Variants in IKZF1 observed in about 807,000 individuals in gnomAD.
IKZF1 encodes DNA-binding protein Ikaros.
A neutral mutation model predicts 51.7 loss-of-function variants in IKZF1; 10 were observed. The observed-to-expected ratio is 0.19, with a 90% CI of 0.12 to 0.33. The LOEUF is 0.33. IKZF1 is among the 10% of genes least tolerant of loss of function. The pLI is 1.00. For missense variants in IKZF1, 484 were observed against 707.5 expected (o/e 0.68, Z 3.58); for synonymous variants, 280 against 282.3 (o/e 0.99, Z 0.08).
Position 50,376,275 on chromosome 7 carries a change from G to T in IKZF1, c.161-258G>T, listed in dbSNP as rs1810258668. On this transcript the variant is annotated intron_variant, in intron 3 of 7. Coordinates refer to ENST00000331340, the MANE Select transcript of IKZF1 (RefSeq NM_006060.6). This position sits in a 1 kb window ranked among gnomAD's most constrained non-coding sequence, Gnocchi z 4.5. ...TAAATACCTTTCTAGTGCATTTTCA[G>T]ATAATCGCCACTGGGCCTATGGATG... Among the ~76,000 whole-genome samples the T allele has an allele frequency of 6.6e-6, 1 of 152,190 alleles. No homozygotes were observed. Among genetic ancestry groups the T allele is most frequent in the Admixed American group, 6.5e-5 (1 of 15,280 alleles).
At chr7:50,391,946 G>C in intron 7 of IKZF1, 83 bp downstream of exon 7, 7 of 1,426,126 alleles carry the variant, frequency 4.9e-6, no homozygotes, top group Non-Finnish European at 6.5e-6. Context: ...GAGGGTGGAA[G>C]AAAGGGAAAA....
chr7:50,387,638 G>C (rs138305051), intron 6 of IKZF1, among the ~76,000 whole-genome samples, 168 bp downstream of exon 6: 2 of 152,174 alleles, frequency 1.3e-5, no homozygotes, highest in East Asian at 1.9e-4. Flanking sequence ...CCAGAAGCAC[G>C]TTGTGCTTCC....
chr7:50,403,623 T>A lies in IKZF1; in HGVS notation c.*2996T>A, dbSNP rs1818506680. ...GAGTGTGATTATCCTAATTCAAGAG[T>A]CACTAAAACTCATCACATTATCATT... On this transcript the variant is annotated 3_prime_UTR_variant, in exon 8 of 8. Coordinates refer to ENST00000331340, the MANE Select transcript of IKZF1 (RefSeq NM_006060.6). 1 of 228,196 alleles carries A rather than the reference T, an allele frequency of 4.4e-6. No individual in the cohort carries two copies. Among genetic ancestry groups the A allele is most frequent in the Non-Finnish European group, 8.7e-6 (1 of 115,018 alleles). The allele number at this position is 228,196 out of a possible 1,614,324, so 14.1% of individuals were successfully genotyped here. A position where few individuals can be genotyped will look rare whatever the true frequency, so the allele number is the denominator to read the frequency against.
intron 1 of IKZF1, among the ~76,000 whole-genome samples, chr7:50,305,733 A>G (rs953689136): frequency 1.3e-5 from 2 of 152,220 alleles, no homozygotes; most frequent in Middle Eastern, 3.2e-3. Flanking sequence ...GCTTTGAGAT[A>G]CCTTGTTTTA....
intron 3 of IKZF1, among the ~76,000 whole-genome samples, chr7:50,353,065 A>G (rs960034363): frequency 9.2e-5 from 14 of 152,238 alleles, no homozygotes; most frequent in African/African-American, 2.9e-4. Context: ...TTATGGTAGA[A>G]TCTTTTCATA....
At chr7:50,357,635 A>G (rs769887999) in intron 3 of IKZF1, among the ~76,000 whole-genome samples, 1 of 152,042 alleles carries the variant, frequency 6.6e-6, no homozygotes, top group Non-Finnish European at 1.5e-5. Context: ...TCCCTCTATA[A>G]TTTCTCTGGA....
At chr7:50,323,452 T>A (rs998703985) in intron 2 of IKZF1, among the ~76,000 whole-genome samples, 1 of 152,236 alleles carries the variant, frequency 6.6e-6, no homozygotes, top group African/African-American at 2.4e-5. Flanking sequence ...CAGAACTTTG[T>A]TGAGTGAATT....
chr7:50,360,859 C>T (rs1476434563), intron 3 of IKZF1, among the ~76,000 whole-genome samples: 1 of 152,238 alleles, frequency 6.6e-6, no homozygotes, highest in African/African-American at 2.4e-5. Context: ...CCTGACAGGG[C>T]CTAGATATGG....
At chr7:50,343,639 T>G (rs541294073) in intron 3 of IKZF1, among the ~76,000 whole-genome samples, 1 of 152,368 alleles carries the variant, frequency 6.6e-6, no homozygotes, top group South Asian at 2.1e-4. Context: ...GTTACAATGT[T>G]ACTGTCTCTA....
intron 1 of IKZF1, among the ~76,000 whole-genome samples, chr7:50,314,097 T>C (rs1790869227): frequency 6.6e-6 from 1 of 152,202 alleles, no homozygotes; most frequent in Non-Finnish European, 1.5e-5. Flanking sequence ...GTTGTTTAAG[T>C]CTCAGAGACC....
At chr7:50,358,570 T>C (rs1431855836) in intron 3 of IKZF1, among the ~76,000 whole-genome samples, 1 of 152,226 alleles carries the variant, frequency 6.6e-6, no homozygotes, top group Non-Finnish European at 1.5e-5. Flanking sequence ...TGATGTCCTG[T>C]GCATGGCTCG....
rs779574916 is a variant in IKZF1 at position 50,400,335 on chromosome 7, G to T, written c.1268G>T (p.Arg423Leu). ...ACCAACCACATCGCCCCGCACGCGC[G>T]CAACGGGCTGTCGCTCAAGGAGGAG... ...YLTNHIAPHA[R>L]NGLSLKEEHR... The change falls in exon 8 of 8, where the codon CGC becomes CTC. Residue 423 changes from arginine to leucine, a missense_variant. Coordinates refer to ENST00000331340, the MANE Select transcript of IKZF1 (RefSeq NM_006060.6). This position sits in a 1 kb window ranked among gnomAD's most constrained non-coding sequence, Gnocchi z 5.4. The T allele has an allele frequency of 1.2e-6, 2 of 1,612,806 alleles. No homozygotes were observed. Among genetic ancestry groups the T allele is most frequent in the Non-Finnish European group, 1.7e-6 (2 of 1,179,710 alleles).
intron 3 of IKZF1, among the ~76,000 whole-genome samples, chr7:50,336,568 A>T (rs1797840754): frequency 6.6e-6 from 1 of 152,128 alleles, no homozygotes; most frequent in African/African-American, 2.4e-5. Context: ...GGCGGTGGCG[A>T]GAGGCCAGGA....
chr7:50,368,464 G>A (rs1170813748), intron 3 of IKZF1: 5 of 607,086 alleles, frequency 8.2e-6, no homozygotes, highest in Non-Finnish European at 1.5e-5. Flanking sequence ...CAATTTTGTG[G>A]GACAGGAGAA....
Position 50,327,749 on chromosome 7 carries a change from G to A in IKZF1, c.152G>A (p.Arg51Lys). 1 of 1,612,214 alleles carries A rather than the reference G, an allele frequency of 6.2e-7. No individual in the cohort carries two copies. The highest frequency in any genetic ancestry group is 2.2e-5 in the East Asian group (1 of 44,816). ...SGGQQSSKSD[R>K]VVASNVKVET... is the part of the protein sequence containing the mutation. ...GGACAGCAAAGCTCCAAGAGTGACA[G>A]AGTCGTGGGTAAGTGGGTCACCAGC... Residue 51 changes from arginine (R) to lysine (K), a missense_variant, in exon 3 of 8, where the codon AGA (arginine) becomes AAA (lysine). Around this residue, in one of 6 missense-constraint regions of IKZF1, gnomAD observed 118 missense variants for 138.4 expected, o/e 0.85. Coordinates refer to ENST00000331340, the MANE Select transcript of IKZF1 (RefSeq NM_006060.6).
In IKZF1 at chr7:50,371,072, C is replaced by T. The variant is rs144587273; in HGVS notation, c.161-5461C>T. Among the ~76,000 whole-genome samples, 22 of 152,220 alleles carry T rather than the reference C, an allele frequency of 1.4e-4. No homozygotes were observed. The South Asian group carries it at 2.7e-3, about 19-fold the overall frequency. ...GCACAATGCCTGCAAATCGGGCAGG[C>T]GGGTTCATGGAATTGATTCTAGGGC... On this transcript the variant is annotated intron_variant, in intron 3 of 7. Coordinates refer to ENST00000331340, the MANE Select transcript of IKZF1 (RefSeq NM_006060.6).
intron 3 of IKZF1, among the ~76,000 whole-genome samples, chr7:50,359,936 G>A (rs1273445529): frequency 6.6e-6 from 1 of 152,240 alleles, no homozygotes; most frequent in African/African-American, 2.4e-5. Flanking sequence ...GGTCACCAGA[G>A]GCTGGCTGAC....
intron 2 of IKZF1, among the ~76,000 whole-genome samples, chr7:50,320,012 G>A (rs1415796510): frequency 6.6e-6 from 1 of 152,122 alleles, no homozygotes; most frequent in Non-Finnish European, 1.5e-5. Context: ...GAGTTCCATG[G>A]AACTGGAGAT....
At chr7:50,394,879 A>G (rs2153508128) in intron 7 of IKZF1, among the ~76,000 whole-genome samples, 2 of 152,332 alleles carry the variant, frequency 1.3e-5, no homozygotes, top group South Asian at 4.1e-4. Flanking sequence ...TGATTAATCT[A>G]ATTAGAAAAG....
Sources: allele counts gnomAD v4.1 joint callset (sites outside exome capture counted in the v4.1 genomes callset), GRCh38; gene constraint gnomAD v4.1.1; regional missense constraint gnomAD v4.1.1; non-coding constraint Gnocchi (gnomAD v3.1); transcripts MANE v1.5; gene names NCBI Gene and HGNC (gene_info 2026-07-23, HGNC 2026-07-21).